MSH3: variants seen among roughly 807,000 people sequenced by gnomAD.
The protein encoded by MSH3 is mutS homolog 3.
MSH3 carries 106 observed loss-of-function variants against 123.3 expected under a neutral mutation model. That is an observed-to-expected ratio of 0.86 (90% confidence interval 0.73 to 1.01). The LOEUF (loss-of-function observed/expected upper bound fraction) is 1.01. MSH3 is among the 50% of genes least tolerant of loss of function. The probability of loss-of-function intolerance (pLI) is 0.00; values close to 1 mark genes in which losing one functional copy is unlikely to be tolerated. For synonymous variants in MSH3, 515 were observed against 481.4 expected, an observed-to-expected ratio of 1.07 and a Z score of -0.91; for missense variants, 1,459 against 1,347.6, an observed-to-expected ratio of 1.08 and a Z score of -1.29.
chr5:80,781,284 T>G (rs1744404946), intron 17 of MSH3, among the ~76,000 whole-genome samples: 1 of 152,146 alleles, frequency 6.6e-6, no homozygotes, highest in Admixed American at 6.6e-5. Context: ...AGGACTCACA[T>G]TCTAGAAGGG....
At position 80,854,217 on chromosome 5, in the gene MSH3, A is replaced by G. The variant is rs568778951; in HGVS notation, c.2901A>G (p.Thr967=). 8.1e-6 allele frequency: 13 copies of G among 1,613,930 alleles called. No homozygotes were observed. In the African/African-American group the frequency reaches 1.1e-4, roughly 13 times the overall value. ...TDTAEIIRKA[T]SQSLVILDEL... is the part of the protein sequence containing the mutation. ...CAGCAGAAATAATCAGAAAAGCAACATCACAGTCCTTGGTTATCTTGGATG... is the reference window on the plus strand; with the variant it reads ...CAGCAGAAATAATCAGAAAAGCAACGTCACAGTCCTTGGTTATCTTGGATG... The change falls in exon 21 of 24, where the codon ACA becomes ACG. Residue 967 remains threonine, a synonymous_variant. Transcript: ENST00000265081.
intron 2 of MSH3, among the ~76,000 whole-genome samples, chr5:80,661,564 T>A (rs1301789174): frequency 7.2e-6 from 1 of 139,698 alleles, no homozygotes; most frequent in East Asian, 1.9e-4. Flanking sequence ...AAAAAATTCC[T>A]TTTGCTCCTC....
At chr5:80,750,163 T>G (rs923363021) in intron 12 of MSH3, among the ~76,000 whole-genome samples, 10 of 151,750 alleles carry the variant, frequency 6.6e-5, no homozygotes, top group African/African-American at 2.4e-4. Flanking sequence ...GTTGTTTCCA[T>G]ATCTTGATAA....
intron 8 of MSH3, among the ~76,000 whole-genome samples, chr5:80,695,817 C>CT (rs571454619): frequency 1.3e-3 from 196 of 152,238 alleles, no homozygotes; most frequent in Non-Finnish European, 1.9e-3. Context: ...TATCGATTGT[C>CT]TTTTTTCATT....
rs70991171 is a variant in MSH3 at position 80,685,201 on chromosome 5, CTTTTTTT to C, written c.1340+6124_1340+6130del. Among the ~76,000 whole-genome samples, 414 of 107,660 alleles carry C rather than the reference CTTTTTTT, an allele frequency of 3.8e-3. 5 individuals carry two copies. The highest frequency in any genetic ancestry group is 0.014 in the African/African-American group (390 of 28,618). The allele number at this position is 107,660 out of a possible 152,430, so 70.6% of individuals were successfully genotyped here. A position where few individuals can be genotyped will look rare whatever the true frequency, so the allele number is the denominator to read the frequency against. Reference sequence around the variant, plus strand: ...GTAGAATGAGTTTGGAAGTATTCTCCTTTTTTTTTTTTTTTTTTTTTTCCCAGAATAG... The same window carrying C: ...GTAGAATGAGTTTGGAAGTATTCTCCTTTTTTTTTTTTTTTCCCAGAATAG... On this transcript the variant is annotated intron_variant, in intron 8 of 23. Coordinates refer to ENST00000265081, the MANE Select transcript of MSH3 (RefSeq NM_002439.5).
At chr5:80,787,706 C>A in intron 18 of MSH3, 34 bp downstream of exon 18, 2 of 1,341,804 alleles carry the variant, frequency 1.5e-6, no homozygotes, top group Non-Finnish European at 2.1e-6. Flanking sequence ...TTTATCAGTG[C>A]TTTAGATAAG....
rs2405876 is a variant in MSH3, at chr5:80,654,914, C to G, written c.187C>G (p.Pro63Ala). Residue 63 changes from proline (P) to alanine (A), a missense_variant, in exon 1 of 24, where the codon CCC becomes GCC. Physicochemically the swap from Pro to Ala is conservative, Grantham distance 27. Transcript: ENST00000265081. ...AAAAAAAAAA[P>A]PAPPAPAFPP... Reference sequence around the variant, plus strand: ...TGCAGCGGCCGCAGCGGCCGCAGCGCCCCCAGCGCCCCCAGCTCCCGCCTT... The same window carrying G: ...TGCAGCGGCCGCAGCGGCCGCAGCGGCCCCAGCGCCCCCAGCTCCCGCCTT... 125 of 1,477,496 alleles carry G rather than the reference C, an allele frequency of 8.5e-5. 1 individual carries two copies. Among genetic ancestry groups the G allele is most frequent in the Middle Eastern group, 1.8e-4 (1 of 5,704 alleles). The allele number at this position is 1,477,496 out of a possible 1,614,324, so 91.5% of individuals were successfully genotyped here.
intron 21 of MSH3, among the ~76,000 whole-genome samples, chr5:80,856,385 G>A (rs1186684564): frequency 6.6e-6 from 1 of 151,804 alleles, no homozygotes; most frequent in African/African-American, 2.4e-5. Flanking sequence ...GAAATGATGA[G>A]TTCATGTCCT....
rs751271017 is a variant in MSH3, at chr5:80,741,497, T to C, written c.1602T>C (p.Phe534=). Reference sequence around the variant, plus strand: ...AACAGCTATCAAGTAAAATGGAATTTATGACAATTAATGGAACAACATTAA... The same window carrying C: ...AACAGCTATCAAGTAAAATGGAATTCATGACAATTAATGGAACAACATTAA... ...NFKQLSSKME[F]MTINGTTLRN... Residue 534 remains phenylalanine, a synonymous_variant, in exon 11 of 24, where the codon TTT becomes TTC. Transcript: ENST00000265081. 27 of 1,607,234 alleles carry C rather than the reference T, an allele frequency of 1.7e-5. No homozygotes were observed. The South Asian group carries it at 3.0e-4, about 18-fold the overall frequency.
intron 17 of MSH3, among the ~76,000 whole-genome samples, chr5:80,784,482 C>A (rs372799003): frequency 2.6e-5 from 4 of 152,116 alleles, no homozygotes; most frequent in African/African-American, 7.2e-5. Flanking sequence ...TTGATACAGG[C>A]ATGCAATGTG....
chr5:80,675,177 C>G, intron 7 of MSH3, 49 bp downstream of exon 7: 4 of 1,574,324 alleles, frequency 2.5e-6, no homozygotes, highest in African/African-American at 1.3e-5. Flanking sequence ...CATGGTATCT[C>G]TAAATATGAT....
intron 21 of MSH3, among the ~76,000 whole-genome samples, chr5:80,861,741 A>C (rs1746016469): frequency 6.6e-6 from 1 of 152,038 alleles, no homozygotes; most frequent in South Asian, 2.1e-4. Context: ...CCAGCAATTG[A>C]TCAGTTCCAG....
chr5:80,657,038 T>TA (rs59828224), intron 2 of MSH3, among the ~76,000 whole-genome samples: 1 of 84,588 alleles, frequency 1.2e-5, no homozygotes, highest in Non-Finnish European at 2.7e-5. Context: ...CTTTTTCTAC[T>TA]TAATAGAAAA....
chr5:80,690,994 A>G (rs1398209818), intron 8 of MSH3, among the ~76,000 whole-genome samples: 1 of 152,020 alleles, frequency 6.6e-6, no homozygotes, highest in Non-Finnish European at 1.5e-5. Flanking sequence ...GAAAATAATT[A>G]AACTCATAAT....
chr5:80,810,592 T>A (rs191532616), intron 19 of MSH3, among the ~76,000 whole-genome samples: 26 of 152,278 alleles, frequency 1.7e-4, no homozygotes, highest in Non-Finnish European at 3.1e-4. Context: ...ACCTTTGTCA[T>A]AAATCAAGGA....
At position 80,870,754 on chromosome 5, in the gene MSH3, G is replaced by C. The variant is rs1746198300; in HGVS notation, c.3131-2362G>C. Reference sequence around the variant, plus strand: ...GAAAAATCCATTGTCCTTTTTCTCTGTCATGTTCAGTCTTTGGCTTTTTAA... The same window carrying C: ...GAAAAATCCATTGTCCTTTTTCTCTCTCATGTTCAGTCTTTGGCTTTTTAA... On this transcript the variant is annotated intron_variant, in intron 22 of 23. Coordinates refer to ENST00000265081, the MANE Select transcript of MSH3 (RefSeq NM_002439.5). Among the ~76,000 whole-genome samples the C allele has an allele frequency of 2.0e-5, 3 of 152,238 alleles. No individual in the cohort carries two copies. The South Asian group carries it at 6.2e-4, about 32-fold the overall frequency.
intron 7 of MSH3, among the ~76,000 whole-genome samples, chr5:80,676,908 G>A (rs1026086262): frequency 1.3e-5 from 2 of 152,192 alleles, no homozygotes. Flanking sequence ...TTAACCATGT[G>A]TGCGAACTGG....
intron 20 of MSH3, among the ~76,000 whole-genome samples, chr5:80,816,183 G>A (rs1644201): frequency 0.45 from 68,561 of 151,874 alleles, 16,311 homozygotes; most frequent in Non-Finnish European, 0.54. Flanking sequence ...TGAAAGCTAT[G>A]TAGTGGAGAA....
chr5:80,791,343 A>G lies in MSH3; in HGVS notation c.2544-1390A>G, dbSNP rs1271667592. ...TTTAAAAGATTTCAAAAACTTCTTC[A>G]AGTATTTGCATTTTTGTTGATACAA... On this transcript the variant is annotated intron_variant, in intron 18 of 23. Coordinates refer to ENST00000265081, the MANE Select transcript of MSH3 (RefSeq NM_002439.5). Among the ~76,000 whole-genome samples the G allele has an allele frequency of 3.9e-5, 6 of 152,210 alleles. No homozygotes were observed. The East Asian group carries it at 1.2e-3, about 29-fold the overall frequency.
Sources: allele counts gnomAD v4.1 joint callset (sites outside exome capture counted in the v4.1 genomes callset), GRCh38; gene constraint gnomAD v4.1.1; transcripts MANE v1.5; gene names NCBI Gene and HGNC (gene_info 2026-07-23, HGNC 2026-07-21).